The following SUSD5 variants were observed in gnomAD, a reference collection of about 807,000 sequenced individuals.
The protein encoded by SUSD5 is sushi domain-containing protein 5.
A neutral mutation model predicts 29.5 loss-of-function variants in SUSD5; 33 were observed. The ratio of observed to expected loss-of-function variants is 1.12; its 90% CI spans 0.85 to 1.49. The LOEUF is 1.49. SUSD5 is among the 40% of genes most tolerant of loss of function. The pLI is 0.00. For missense variants in SUSD5, 776 were observed against 800.6 expected (o/e 0.97, Z 0.37); for synonymous variants, 308 against 325.3 (o/e 0.95, Z 0.57).
chr3:33,207,974 A>G, intron 2 of SUSD5, 48 bp from the exon 3 acceptor site: 1 of 1,346,180 alleles, frequency 7.4e-7, no homozygotes, highest in Non-Finnish European at 1.1e-6. Flanking sequence ...CTGGGTTGAA[A>G]ATAATAAGGA....
In SUSD5 at chr3:33,152,632, A is replaced by G; in HGVS notation, c.*110T>C. 1.6e-6 allele frequency: 2 copies of G among 1,250,116 alleles called. No individual in the cohort carries two copies. The highest frequency in any genetic ancestry group is 1.1e-6 in the Non-Finnish European group (1 of 914,874). The allele number at this position is 1,250,116 out of a possible 1,614,324, so 77.4% of individuals were successfully genotyped here. A position where few individuals can be genotyped will look rare whatever the true frequency, so the allele number is the denominator to read the frequency against. On this transcript the variant is annotated 3_prime_UTR_variant, in exon 5 of 5. Transcript: ENST00000309558. The stretch of plus-strand genomic sequence containing the variant: ...AGCCTATAAAACAAAGGGCTGAGGA[A>G]AAAATGATGAGCCTCAGTCCACCTG...
intron 3 of SUSD5, among the ~76,000 whole-genome samples, chr3:33,183,930 C>CTTGTTTTTTTTTTTT (rs2031725460): frequency 1.6e-5 from 1 of 62,604 alleles, no homozygotes; most frequent in African/African-American, 7.5e-5. Flanking sequence ...TTATTACCCT[C>CTTGTTTTTTTTTTTT]TTTTTTTTTT....
At chr3:33,183,285 G>A (rs562366386) in intron 3 of SUSD5, among the ~76,000 whole-genome samples, 8 of 152,032 alleles carry the variant, frequency 5.3e-5, no homozygotes, top group Admixed American at 5.2e-4. Context: ...TTTTCTATTT[G>A]TTACCGTATT....
chr3:33,218,570 C>T, intron 1 of SUSD5, 116 bp downstream of exon 1: 1 of 961,636 alleles, frequency 1.0e-6, no homozygotes, highest in Non-Finnish European at 1.4e-6. Context: ...TCGTTCCTCT[C>T]AGGCTTGCGC....
Position 33,204,716 on chromosome 3 carries a change from T to C in SUSD5, c.409+3092A>G, listed in dbSNP as rs1358016482. 2.0e-5 allele frequency among the ~76,000 whole-genome samples: 3 copies of C among 151,184 alleles called. No homozygotes were observed. Among genetic ancestry groups the C allele is most frequent in the African/African-American group, 4.8e-5 (2 of 41,274 alleles). On this transcript the variant is annotated intron_variant, in intron 3 of 4. Transcript: ENST00000309558. This position sits in a 1 kb window ranked among gnomAD's most constrained non-coding sequence, Gnocchi z 4.5. Reference sequence around the variant, plus strand: ...AGGATGGAGTGCAGTGATGTGATCTTGGCTCACTGCAACCTCTACCTCCCA... The same window carrying C: ...AGGATGGAGTGCAGTGATGTGATCTCGGCTCACTGCAACCTCTACCTCCCA...
At chr3:33,180,664 T>A (rs978095012) in intron 3 of SUSD5, among the ~76,000 whole-genome samples, 1 of 151,920 alleles carries the variant, frequency 6.6e-6, no homozygotes, top group African/African-American at 2.4e-5. Flanking sequence ...CTAAAATTAC[T>A]TTTTATACTA....
chr3:33,207,987 A>ATGT, intron 2 of SUSD5, 61 bp from the exon 3 acceptor site: 2 of 1,266,442 alleles, frequency 1.6e-6, no homozygotes, highest in African/African-American at 3.0e-5. Context: ...AATAAGGAAT[A>ATGT]ATTCTCTTCT....
intron 4 of SUSD5, among the ~76,000 whole-genome samples, chr3:33,163,991 C>T (rs113979427): frequency 0.023 from 3,446 of 152,092 alleles, 83 homozygotes; most frequent in East Asian, 0.082. Context: ...CAGAGCAAGA[C>T]TCCGTCTCAA....
At chr3:33,174,628 C>G (rs974879524) in intron 4 of SUSD5, among the ~76,000 whole-genome samples, 1 of 152,178 alleles carries the variant, frequency 6.6e-6, no homozygotes, top group African/African-American at 2.4e-5. Flanking sequence ...CAACTGTGTA[C>G]TTAGAGAAGT....
Position 33,154,044 on chromosome 3 carries a change from A to G in SUSD5, c.599-11T>C. 6.4e-7 allele frequency: 1 copy of G among 1,560,122 alleles called. No homozygotes were observed. The highest frequency in any genetic ancestry group is 1.2e-5 in the South Asian group (1 of 81,754). ...GTGCCTCAGCCTCATCTGGAAGAAA[A>G]GAGGGAAAAAACCTCATTAGCTCCA... On this transcript the variant is annotated splice_polypyrimidine_tract_variant and intron_variant, in intron 4 of 4. Coordinates refer to ENST00000309558, the MANE Select transcript of SUSD5 (RefSeq NM_015551.2).
intron 3 of SUSD5, among the ~76,000 whole-genome samples, chr3:33,199,564 C>T (rs540558697): frequency 2.0e-5 from 3 of 152,306 alleles, no homozygotes; most frequent in Admixed American, 6.5e-5. Flanking sequence ...TGAGCCACCA[C>T]GCCCAACCAA....
chr3:33,152,785 T>A lies in SUSD5; in HGVS notation c.1847A>T (p.Gln616Leu). 6.2e-7 allele frequency: 1 copy of A among 1,613,676 alleles called. No homozygotes were observed. The highest frequency in any genetic ancestry group is 8.5e-7 in the Non-Finnish European group (1 of 1,179,688). ...SVYKLNVGQR[Q>L]ARHYHQQIEM... ...GATCTGCTGGTGGTAGTGCCGAGCC[T>A]GCCGCTGGCCAACATTCAGCTTGTA... The change falls in exon 5 of 5, where the codon CAG (glutamine) becomes CTG (leucine). Residue 616 changes from glutamine to leucine, a missense_variant. Coordinates refer to ENST00000309558, the MANE Select transcript of SUSD5 (RefSeq NM_015551.2).
chr3:33,184,670 C>T (rs866127036), intron 3 of SUSD5, among the ~76,000 whole-genome samples: 2 of 152,098 alleles, frequency 1.3e-5, no homozygotes, highest in Admixed American at 6.6e-5. Context: ...TATCTTCAAC[C>T]GCAGATATTT....
rs2030924672 is a variant in SUSD5 at position 33,152,524 on chromosome 3, G to A, written c.*218C>T. The A allele has an allele frequency of 1.8e-6, 1 of 562,398 alleles. No individual in the cohort carries two copies. Among genetic ancestry groups the A allele is most frequent in the Non-Finnish European group, 3.1e-6 (1 of 320,898 alleles). 34.8% of individuals were successfully genotyped at this position (562,398 alleles called of 1,614,324 possible). On this transcript the variant is annotated 3_prime_UTR_variant, in exon 5 of 5. Coordinates refer to ENST00000309558, the MANE Select transcript of SUSD5 (RefSeq NM_015551.2). ...TGGGATTAGTGTAGTCAATTCCAGGGCAGATGGTGGAGGAGACATTGACAT... is the reference window on the plus strand; with the variant it reads ...TGGGATTAGTGTAGTCAATTCCAGGACAGATGGTGGAGGAGACATTGACAT...
intron 3 of SUSD5, among the ~76,000 whole-genome samples, chr3:33,189,985 C>T (rs2031859445): frequency 6.6e-6 from 1 of 152,130 alleles, no homozygotes; most frequent in African/African-American, 2.4e-5. Context: ...GAAGTCCAGT[C>T]ATATCTTTAA....
rs1228980204 is a variant in SUSD5 at position 33,151,691 on chromosome 3, A to G, written c.*1051T>C. 1.3e-5 allele frequency: 2 copies of G among 152,188 alleles called. No homozygotes were observed. Among genetic ancestry groups the G allele is most frequent in the African/African-American group, 4.8e-5 (2 of 41,452 alleles). The allele number at this position is 152,188 out of a possible 1,614,324, so 9.4% of individuals were successfully genotyped here. A position where few individuals can be genotyped will look rare whatever the true frequency, so the allele number is the denominator to read the frequency against. Reference sequence around the variant, plus strand: ...AGGCACAGACTGGTCAAGGACAACTAGGCCACTGCTTCTGAGAGGAAATGG... The same window carrying G: ...AGGCACAGACTGGTCAAGGACAACTGGGCCACTGCTTCTGAGAGGAAATGG... On this transcript the variant is annotated 3_prime_UTR_variant, in exon 5 of 5. Transcript: ENST00000309558.
At chr3:33,215,303 G>T (rs1575547827) in intron 1 of SUSD5, among the ~76,000 whole-genome samples, 1 of 151,882 alleles carries the variant, frequency 6.6e-6, no homozygotes, top group African/African-American at 2.4e-5. Flanking sequence ...GTGCACTACT[G>T]CATACCAAAC....
intron 4 of SUSD5, among the ~76,000 whole-genome samples, chr3:33,154,534 AAAC>A (rs967267330): frequency 7.9e-5 from 12 of 151,742 alleles, no homozygotes; most frequent in African/African-American, 1.5e-4. Flanking sequence ...ACAACAACAA[AAAC>A]AACAACTCAA....
rs1421999386 is a variant in SUSD5 at position 33,152,472 on chromosome 3, A to G, written c.*270T>C. On this transcript the variant is annotated 3_prime_UTR_variant, in exon 5 of 5. Coordinates refer to ENST00000309558, the MANE Select transcript of SUSD5 (RefSeq NM_015551.2). ...AGGAAGAGGCGATTTTTGACCTCACACTGGAAACAGGGCCCAAGCACAGGT... is the reference window on the plus strand; with the variant it reads ...AGGAAGAGGCGATTTTTGACCTCACGCTGGAAACAGGGCCCAAGCACAGGT... 1 of 423,578 alleles carries G rather than the reference A, an allele frequency of 2.4e-6. No homozygotes were observed. Among genetic ancestry groups the G allele is most frequent in the East Asian group, 3.8e-5 (1 of 26,184 alleles). The allele number at this position is 423,578 out of a possible 1,614,324, so 26.2% of individuals were successfully genotyped here.
Sources: allele counts gnomAD v4.1 joint callset (sites outside exome capture counted in the v4.1 genomes callset), GRCh38; gene constraint gnomAD v4.1.1; non-coding constraint Gnocchi (gnomAD v3.1); transcripts MANE v1.5; gene names NCBI Gene and HGNC (gene_info 2026-07-23, HGNC 2026-07-21).